ALG14: variants seen among roughly 807,000 people sequenced by gnomAD.
ALG14 encodes the protein UDP-N-acetylglucosamine transferase subunit ALG14.
ALG14 carries 17 observed loss-of-function variants against 22.8 expected under a neutral mutation model. The ratio of observed to expected loss-of-function variants is 0.75; its 90% CI spans 0.51 to 1.12. The LOEUF (loss-of-function observed/expected upper bound fraction) is 1.12. Ranked by LOEUF, ALG14 falls within the 50% of genes most tolerant of loss-of-function variation. The pLI is 0.00. For synonymous variants in ALG14, 89 were observed against 103.7 expected (o/e 0.86, Z 0.86); for missense variants, 288 against 271.8 (o/e 1.06, Z -0.42).
intron 3 of ALG14, among the ~76,000 whole-genome samples, chr1:95,012,902 G>A (rs544780501): frequency 1.3e-5 from 2 of 152,230 alleles, no homozygotes; most frequent in African/African-American, 2.4e-5. Context: ...GGAGGCCGAT[G>A]AGGGCGAATC....
chr1:95,063,877 T>C (rs909455724), intron 2 of ALG14, among the ~76,000 whole-genome samples: 1 of 152,194 alleles, frequency 6.6e-6, no homozygotes, highest in African/African-American at 2.4e-5. Flanking sequence ...TTGGGCAGTA[T>C]AGCCATTTCA....
chr1:95,022,238 T>A (rs920552602), intron 3 of ALG14: 1 of 860,116 alleles, frequency 1.2e-6, no homozygotes, highest in Admixed American at 6.2e-5. Context: ...ACAGATGTTG[T>A]TCGGAACTCA....
At chr1:95,044,907 C>T (rs1364893283) in intron 2 of ALG14, among the ~76,000 whole-genome samples, 1 of 151,866 alleles carries the variant, frequency 6.6e-6, no homozygotes, top group African/African-American at 2.4e-5. Flanking sequence ...GATTCTGACA[C>T]CTACTGCATT....
chr1:95,027,076 C>T (rs902754860), intron 3 of ALG14, 53 bp downstream of exon 3: 32 of 1,598,576 alleles, frequency 2.0e-5, no homozygotes, highest in African/African-American at 6.7e-5. Flanking sequence ...CTGTTACTAA[C>T]GAAAGATCTA....
intron 1 of ALG14, among the ~76,000 whole-genome samples, chr1:95,069,161 A>G (rs565397657): frequency 4.6e-5 from 7 of 152,294 alleles, no homozygotes; most frequent in Admixed American, 4.6e-4. Flanking sequence ...TTGACAATGC[A>G]GGCTTGAAGT....
chr1:95,041,221 T>C (rs1674367366), intron 2 of ALG14, among the ~76,000 whole-genome samples: 1 of 152,126 alleles, frequency 6.6e-6, no homozygotes, highest in Non-Finnish European at 1.5e-5. Context: ...TTACCTATAA[T>C]TCAGTAAGTT....
At chr1:95,072,519 C>T (rs1325701590) in intron 1 of ALG14, among the ~76,000 whole-genome samples, 1 of 152,124 alleles carries the variant, frequency 6.6e-6, no homozygotes, top group Non-Finnish European at 1.5e-5. Context: ...GAAAAATATA[C>T]GCTACAGAGA....
At chr1:94,988,991 A>G (rs1031629174) in intron 3 of ALG14, among the ~76,000 whole-genome samples, 2 of 152,212 alleles carry the variant, frequency 1.3e-5, no homozygotes, top group African/African-American at 4.8e-5. Context: ...GAGCTTATAC[A>G]TAATATTAGT....
chr1:94,975,896 A>G lies in ALG14; in HGVS notation c.*7180T>C, dbSNP rs1300045010. 1 of 152,000 alleles carries G rather than the reference A, an allele frequency of 6.6e-6. No homozygotes were observed. The highest frequency in any genetic ancestry group is 2.4e-5 in the African/African-American group (1 of 41,312). 9.4% of individuals were successfully genotyped at this position (152,000 alleles called of 1,614,324 possible). On this transcript the variant is annotated 3_prime_UTR_variant, in exon 4 of 4. Coordinates refer to ENST00000370205, the MANE Select transcript of ALG14 (RefSeq NM_144988.4). ...GCCGGGCGTGGTGACAGGCGCCTGTAATCCCAGCTACTCGGGAGGCTGAGG... is the reference window on the plus strand; with the variant it reads ...GCCGGGCGTGGTGACAGGCGCCTGTGATCCCAGCTACTCGGGAGGCTGAGG...
intron 3 of ALG14, among the ~76,000 whole-genome samples, chr1:95,011,201 CT>C (rs1340946594): frequency 6.6e-6 from 1 of 152,084 alleles, no homozygotes; most frequent in Non-Finnish European, 1.5e-5. Flanking sequence ...AGCAGATGGG[CT>C]TTTGGGAGAT....
At chr1:95,018,905 T>C (rs1243966663) in intron 3 of ALG14, among the ~76,000 whole-genome samples, 1 of 152,264 alleles carries the variant, frequency 6.6e-6, no homozygotes, top group African/African-American at 2.4e-5. Flanking sequence ...TACAAAATAC[T>C]GTACTGTGTA....
At chr1:94,983,609 G>A (rs12126245) in intron 3 of ALG14, 14,746 of 319,468 alleles carry the variant, frequency 0.046, 451 homozygotes, top group Middle Eastern at 0.098. Flanking sequence ...GGCATGTGTT[G>A]CTCTTCTCTG....
intron 2 of ALG14, among the ~76,000 whole-genome samples, chr1:95,041,995 G>A (rs1266313265): frequency 2.0e-5 from 3 of 152,002 alleles, no homozygotes; most frequent in African/African-American, 7.3e-5. Flanking sequence ...GGTGCTTGTG[G>A]TATGTGTTTG....
At chr1:95,015,332 A>G (rs992490195) in intron 3 of ALG14, among the ~76,000 whole-genome samples, 1 of 152,200 alleles carries the variant, frequency 6.6e-6, no homozygotes, top group Non-Finnish European at 1.5e-5. Context: ...CACCTGACAC[A>G]CTGCTAAGCT....
intron 3 of ALG14, among the ~76,000 whole-genome samples, chr1:95,017,931 G>A (rs1673549432): frequency 6.6e-6 from 1 of 152,198 alleles, no homozygotes; most frequent in Non-Finnish European, 1.5e-5. Flanking sequence ...CCAGCAGAGG[G>A]AGTGGCTTGG....
chr1:95,050,965 A>T (rs1674726845), intron 2 of ALG14, among the ~76,000 whole-genome samples: 1 of 150,714 alleles, frequency 6.6e-6, no homozygotes. Context: ...TCCTGGGTTC[A>T]AGCAATTCTC....
At position 95,064,991 on chromosome 1, in the gene ALG14, G is replaced by C. The variant is rs778566822; in HGVS notation, c.163C>G (p.Leu55Val). The C allele has an allele frequency of 2.5e-6, 4 of 1,613,296 alleles. No individual in the cohort carries two copies. Among genetic ancestry groups the C allele is most frequent in the Non-Finnish European group, 3.4e-6 (4 of 1,179,624 alleles). The change falls in exon 2 of 4, where the codon CTG becomes GTG. Residue 55 changes from leucine to valine, a missense_variant. Physicochemically the swap from Leu to Val is conservative, Grantham distance 32 (BLOSUM62 1). Coordinates refer to ENST00000370205, the MANE Select transcript of ALG14 (RefSeq NM_144988.4). ...SGGHTTEILR[L>V]LGSLSNAYSP... Reference sequence around the variant, plus strand: ...TAGGCATTGGACAAGCTCCCAAGCAGCCTCAGGATCTCAGTGGTATGCCCA... The same window carrying C: ...TAGGCATTGGACAAGCTCCCAAGCACCCTCAGGATCTCAGTGGTATGCCCA...
intron 3 of ALG14, among the ~76,000 whole-genome samples, chr1:95,012,097 G>C (rs1213546546): frequency 6.6e-6 from 1 of 152,064 alleles, no homozygotes; most frequent in Non-Finnish European, 1.5e-5. Context: ...ATTCTCTCTT[G>C]TCTGCTGCCA....
At chr1:95,041,401 A>AGTTCTG (rs1674373976) in intron 2 of ALG14, 1 of 152,086 alleles carries the variant, frequency 6.6e-6, no homozygotes, top group South Asian at 2.1e-4. Context: ...TTGGGAGGCC[A>AGTTCTG]AGGCAGAAGG....
Sources: gnomAD v4.1 joint callset for allele counts (sites outside exome capture counted in the v4.1 genomes callset) on GRCh38, gnomAD v4.1.1 for gene constraint, MANE v1.5 for transcripts, NCBI Gene and HGNC (gene_info 2026-07-23, HGNC 2026-07-21) for gene names.